The following ZDHHC14 variants were observed in gnomAD, a reference collection of about 807,000 sequenced individuals.
ZDHHC14 encodes zDHHC palmitoyltransferase 14.
In ZDHHC14, 16 loss-of-function variants were observed where a neutral mutation model predicts 47.7. That is an observed-to-expected ratio of 0.34 (90% confidence interval 0.23 to 0.51). The LOEUF is 0.51. Ranked by LOEUF, ZDHHC14 falls within the 20% of genes least tolerant of loss-of-function variation. The pLI is 0.97. For missense variants in ZDHHC14, 515 were observed against 662.5 expected, an observed-to-expected ratio of 0.78 and a Z score of 2.44; for synonymous variants, 293 against 278.9, an observed-to-expected ratio of 1.05 and a Z score of -0.50.
intron 1 of ZDHHC14, among the ~76,000 whole-genome samples, chr6:157,404,809 A>G (rs1274258586): frequency 6.6e-6 from 1 of 152,214 alleles, no homozygotes; most frequent in Non-Finnish European, 1.5e-5. Flanking sequence ...AAATAGCATT[A>G]CAAAACTTTT....
intron 1 of ZDHHC14, among the ~76,000 whole-genome samples, chr6:157,522,971 T>TTTC (rs1562461044): frequency 9.7e-4 from 35 of 36,134 alleles, no homozygotes; most frequent in African/African-American, 5.4e-3. Flanking sequence ...CTTTCTTTTC[T>TTTC]TTTCTTTTCT....
intron 1 of ZDHHC14, among the ~76,000 whole-genome samples, chr6:157,472,736 G>T (rs564526606): frequency 1.3e-5 from 2 of 152,256 alleles, no homozygotes; most frequent in South Asian, 4.2e-4. Context: ...ATGAAGAAGG[G>T]CCTAATGGGA....
intron 5 of ZDHHC14, among the ~76,000 whole-genome samples, chr6:157,645,510 A>G (rs1777481289): frequency 6.6e-6 from 1 of 152,186 alleles, no homozygotes; most frequent in Non-Finnish European, 1.5e-5. Flanking sequence ...TCACGGAGCC[A>G]CAGAGGCTGC....
At chr6:157,510,849 C>A (rs1439531839) in intron 1 of ZDHHC14, among the ~76,000 whole-genome samples, 4 of 152,260 alleles carry the variant, frequency 2.6e-5, no homozygotes, top group Admixed American at 1.3e-4. Flanking sequence ...TTTCCAATGG[C>A]CTCTGCCTTC....
chr6:157,611,505 T>C (rs1784748598), intron 3 of ZDHHC14, among the ~76,000 whole-genome samples: 1 of 152,184 alleles, frequency 6.6e-6, no homozygotes, highest in African/African-American at 2.4e-5. Context: ...CAACAGAATT[T>C]CTGGGGCCTC....
chr6:157,628,034 C>G (rs976658177), intron 3 of ZDHHC14, among the ~76,000 whole-genome samples: 2 of 152,186 alleles, frequency 1.3e-5, no homozygotes, highest in Non-Finnish European at 2.9e-5. Flanking sequence ...AAAGAAGTTT[C>G]TTTTACCAAA....
intron 1 of ZDHHC14, among the ~76,000 whole-genome samples, chr6:157,445,609 A>C (rs1778649562): frequency 6.6e-6 from 1 of 152,188 alleles, no homozygotes; most frequent in South Asian, 2.1e-4. Context: ...TTTAAGCCTA[A>C]TGTCCTGCAG....
intron 1 of ZDHHC14, among the ~76,000 whole-genome samples, chr6:157,441,908 A>T (rs912835260): frequency 1.2e-4 from 19 of 152,218 alleles, no homozygotes; most frequent in African/African-American, 4.6e-4. Flanking sequence ...TCCATACAGA[A>T]AAGATTTCTG....
intron 3 of ZDHHC14, among the ~76,000 whole-genome samples, chr6:157,620,928 C>T (rs531676918): frequency 6.6e-6 from 1 of 152,344 alleles, no homozygotes; most frequent in African/African-American, 2.4e-5. Context: ...ACATTGAGTT[C>T]ATCTGGTTTC....
chr6:157,476,276 A>G (rs1779481652), intron 1 of ZDHHC14, among the ~76,000 whole-genome samples: 1 of 152,208 alleles, frequency 6.6e-6, no homozygotes, highest in African/African-American at 2.4e-5. Flanking sequence ...AAAGGATCAT[A>G]AGGGACTACC....
chr6:157,440,606 AC>A (rs1778543061), intron 1 of ZDHHC14, among the ~76,000 whole-genome samples: 1 of 152,252 alleles, frequency 6.6e-6, no homozygotes, highest in Admixed American at 6.5e-5. Flanking sequence ...ACAAACATGC[AC>A]ATGTTCACAG....
intron 5 of ZDHHC14, among the ~76,000 whole-genome samples, chr6:157,633,748 G>A (rs80116894): frequency 0.18 from 27,269 of 152,168 alleles, 2,718 homozygotes; most frequent in East Asian, 0.3. Context: ...GCAGTGGCAC[G>A]ATCTTGGCTC....
chr6:157,492,211 C>CCCCCCCCCCCCCCG (rs1211717059), intron 1 of ZDHHC14, among the ~76,000 whole-genome samples: 1 of 147,650 alleles, frequency 6.8e-6, no homozygotes, highest in Non-Finnish European at 1.5e-5. Context: ...CCCCCGCCCC[C>CCCCCCCCCCCCCCG]CAGCCACTGT....
At chr6:157,553,545 C>T (rs758998232) in intron 2 of ZDHHC14, among the ~76,000 whole-genome samples, 1 of 151,940 alleles carries the variant, frequency 6.6e-6, no homozygotes, top group Non-Finnish European at 1.5e-5. Context: ...AATAATCACC[C>T]TCCGAACCCC....
At chr6:157,393,290 A>G (rs945828278) in intron 1 of ZDHHC14, among the ~76,000 whole-genome samples, 5 of 152,216 alleles carry the variant, frequency 3.3e-5, no homozygotes, top group Non-Finnish European at 7.3e-5. Flanking sequence ...CATGCTGTTG[A>G]GAGCCATGGG....
At chr6:157,510,326 C>T (rs766950604) in intron 1 of ZDHHC14, among the ~76,000 whole-genome samples, 1 of 152,184 alleles carries the variant, frequency 6.6e-6, no homozygotes, top group Non-Finnish European at 1.5e-5. Flanking sequence ...ATTTTCACTC[C>T]TCCTCACAAC....
chr6:157,592,690 AG>A (rs1248349098), intron 2 of ZDHHC14: 3 of 1,069,214 alleles, frequency 2.8e-6, no homozygotes, highest in Middle Eastern at 4.0e-4. Flanking sequence ...CAGGGAGGGG[AG>A]GGGGAAGGAG....
chr6:157,559,085 C>A (rs747498190), intron 2 of ZDHHC14, among the ~76,000 whole-genome samples: 1 of 152,224 alleles, frequency 6.6e-6, no homozygotes, highest in Non-Finnish European at 1.5e-5. Context: ...AACCACTCTT[C>A]CATGATGATA....
intron 1 of ZDHHC14, among the ~76,000 whole-genome samples, chr6:157,506,397 C>T (rs555680975): frequency 1.3e-5 from 2 of 152,328 alleles, no homozygotes. Context: ...AATCCATTTG[C>T]AAAGAGCTGG....
Sources: allele counts gnomAD v4.1 joint callset (sites outside exome capture counted in the v4.1 genomes callset), GRCh38; gene constraint gnomAD v4.1.1; transcripts MANE v1.5; gene names NCBI Gene and HGNC (gene_info 2026-07-23, HGNC 2026-07-21).